Variants in GABRB1 observed in about 807,000 individuals in gnomAD.
GABRB1 encodes the protein gamma-aminobutyric acid receptor subunit beta-1.
GABRB1 carries 17 observed loss-of-function variants against 51.6 expected under a neutral mutation model. That is an observed-to-expected ratio of 0.33 (90% CI 0.23 to 0.49). GABRB1 has a LOEUF of 0.49. Among genes scored for constraint, GABRB1 ranks in the 20% least tolerant of loss-of-function variants. The probability of loss-of-function intolerance (pLI) is 0.99; values close to 1 mark genes in which losing one functional copy is unlikely to be tolerated. For missense variants in GABRB1, 410 were observed against 600.6 expected (o/e 0.68, Z 3.32); for synonymous variants, 247 against 218.9 (o/e 1.13, Z -1.14).
At chr4:47,111,698 T>A (rs1715216941) in intron 3 of GABRB1, among the ~76,000 whole-genome samples, 1 of 151,758 alleles carries the variant, frequency 6.6e-6, no homozygotes. Flanking sequence ...ACCTCATCTC[T>A]ACAATAAAAT....
chr4:47,295,554 G>A (rs1379213919), intron 4 of GABRB1, among the ~76,000 whole-genome samples: 1 of 152,134 alleles, frequency 6.6e-6, no homozygotes, highest in Non-Finnish European at 1.5e-5. Context: ...GGGAAGTTTA[G>A]AGAAAAAAGA....
chr4:47,140,092 TAACACACACACA>T (rs1269918492), intron 3 of GABRB1, among the ~76,000 whole-genome samples: 1 of 96,362 alleles, frequency 1.0e-5, no homozygotes, highest in East Asian at 2.9e-4. Flanking sequence ...TAAATTAAAT[TAACACACACACA>T]CACACACACA....
chr4:47,217,665 T>C (rs1720606667), intron 4 of GABRB1, among the ~76,000 whole-genome samples: 1 of 151,902 alleles, frequency 6.6e-6, no homozygotes, highest in Non-Finnish European at 1.5e-5. Flanking sequence ...ATTTCCTTTT[T>C]AGATTTTTTA....
At chr4:47,243,679 C>T (rs767385813) in intron 4 of GABRB1, among the ~76,000 whole-genome samples, 1 of 152,128 alleles carries the variant, frequency 6.6e-6, no homozygotes, top group Non-Finnish European at 1.5e-5. Flanking sequence ...CATGATTTGG[C>T]TCTCTATCTG....
chr4:47,329,938 C>G (rs1725414234), intron 5 of GABRB1, among the ~76,000 whole-genome samples: 1 of 152,024 alleles, frequency 6.6e-6, no homozygotes, highest in South Asian at 2.1e-4. Flanking sequence ...TCAAGATCTA[C>G]AGAGTGAGTC....
At chr4:47,317,452 TA>T (rs761931354) in intron 4 of GABRB1, among the ~76,000 whole-genome samples, 1 of 151,472 alleles carries the variant, frequency 6.6e-6, no homozygotes, top group African/African-American at 2.4e-5. Context: ...ACTATGAGAC[TA>T]AAAAAAAGAA....
intron 4 of GABRB1, among the ~76,000 whole-genome samples, chr4:47,174,928 C>T (rs1441138626): frequency 7.5e-6 from 1 of 132,620 alleles, no homozygotes; most frequent in Non-Finnish European, 1.6e-5. Context: ...TTCCTTCCTT[C>T]TTTCCTTCCT....
At chr4:47,249,493 G>T (rs1184273481) in intron 4 of GABRB1, among the ~76,000 whole-genome samples, 1 of 152,030 alleles carries the variant, frequency 6.6e-6, no homozygotes, top group Non-Finnish European at 1.5e-5. Context: ...GCAGTTGTTG[G>T]GTGAAATGTT....
chr4:47,060,649 C>T (rs1577870622), intron 3 of GABRB1, among the ~76,000 whole-genome samples: 1 of 152,132 alleles, frequency 6.6e-6, no homozygotes, highest in Non-Finnish European at 1.5e-5. Context: ...CAGTGGCATG[C>T]TTTGTCTCCT....
Position 47,228,998 on chromosome 4 carries a change from G to A in GABRB1, c.461+67529G>A, listed in dbSNP as rs528610495. On this transcript the variant is annotated intron_variant, in intron 4 of 8. Coordinates refer to ENST00000295454, the MANE Select transcript of GABRB1 (RefSeq NM_000812.4). ...TGTAGAGAGTGTCTACTATTGCCAGGCACTGTGCTGGGGCATTGGGTATTC... is the reference window on the plus strand; with the variant it reads ...TGTAGAGAGTGTCTACTATTGCCAGACACTGTGCTGGGGCATTGGGTATTC... Among the ~76,000 whole-genome samples the A allele has an allele frequency of 4.6e-5, 7 of 152,280 alleles. No homozygotes were observed. The East Asian group carries it at 1.3e-3, about 29-fold the overall frequency.
At chr4:47,299,619 G>C (rs948397748) in intron 4 of GABRB1, among the ~76,000 whole-genome samples, 3 of 152,118 alleles carry the variant, frequency 2.0e-5, no homozygotes, top group South Asian at 4.1e-4. Context: ...TGGAGAAATA[G>C]GAACACTTTT....
rs1215852414 is a variant in GABRB1, at chr4:47,413,995, CA to C, written c.1080+7070del. Among the ~76,000 whole-genome samples, 4 of 152,284 alleles carry C rather than the reference CA, an allele frequency of 2.6e-5. No individual in the cohort carries two copies. In the East Asian group the frequency reaches 7.7e-4, roughly 29 times the overall value. ...GGCTTTAAGTAAGCTACCTCTGGGC[CA>C]CTTTTATACGCATCTGGAACTTTTT... On this transcript the variant is annotated intron_variant, in intron 8 of 8. Transcript: ENST00000295454.
At chr4:47,278,696 C>T (rs1400530328) in intron 4 of GABRB1, among the ~76,000 whole-genome samples, 4 of 152,126 alleles carry the variant, frequency 2.6e-5, no homozygotes, top group Non-Finnish European at 5.9e-5. Context: ...GCTCCATTCT[C>T]ACTGGAAAAT....
intron 5 of GABRB1, among the ~76,000 whole-genome samples, chr4:47,329,043 C>T (rs1184326269): frequency 6.6e-6 from 1 of 151,894 alleles, no homozygotes; most frequent in Non-Finnish European, 1.5e-5. Context: ...AAGTAAAGCA[C>T]TACATTAACA....
At chr4:47,239,737 G>C (rs1438709496) in intron 4 of GABRB1, among the ~76,000 whole-genome samples, 1 of 152,172 alleles carries the variant, frequency 6.6e-6, no homozygotes, top group African/African-American at 2.4e-5. Flanking sequence ...TTACCTCAAA[G>C]TCAAGAGCAA....
chr4:47,076,921 C>T (rs1328635864), intron 3 of GABRB1, among the ~76,000 whole-genome samples: 1 of 152,182 alleles, frequency 6.6e-6, no homozygotes, highest in African/African-American at 2.4e-5. Flanking sequence ...TTCTCCTTGG[C>T]CCACTGCTGA....
chr4:47,048,630 T>C (rs1360529546), intron 3 of GABRB1, among the ~76,000 whole-genome samples: 1 of 152,182 alleles, frequency 6.6e-6, no homozygotes, highest in Non-Finnish European at 1.5e-5. Context: ...ATGCATGCCA[T>C]GTCTCAGGTA....
intron 3 of GABRB1, among the ~76,000 whole-genome samples, chr4:47,061,733 T>C (rs1287562527): frequency 6.6e-6 from 1 of 152,112 alleles, no homozygotes; most frequent in Non-Finnish European, 1.5e-5. Flanking sequence ...AATTCCTCTG[T>C]GGGGGGTGGT....
Position 47,128,890 on chromosome 4 carries a change from T to C in GABRB1, c.241-32359T>C, listed in dbSNP as rs550526248. The stretch of plus-strand genomic sequence containing the variant: ...CTGAGCTTGATTATATTGACTTAAA[T>C]AGGTAAATCCCTTAGGTACAAAACC... On this transcript the variant is annotated intron_variant, in intron 3 of 8. Transcript: ENST00000295454. Among the ~76,000 whole-genome samples the C allele has an allele frequency of 1.3e-4, 20 of 152,190 alleles. No individual in the cohort carries two copies. In the South Asian group the frequency reaches 3.7e-3, roughly 28 times the overall value.
Sources: gnomAD v4.1 joint callset for allele counts (sites outside exome capture counted in the v4.1 genomes callset) on GRCh38, gnomAD v4.1.1 for gene constraint, MANE v1.5 for transcripts, NCBI Gene and HGNC (gene_info 2026-07-23, HGNC 2026-07-21) for gene names.